The following LOC400499 variants were observed in gnomAD, a reference collection of about 807,000 sequenced individuals.
At chr16:11,512,848 G>A in the LOC400499 span, among the ~76,000 whole-genome samples, 2 of 152,330 alleles carry the variant, frequency 1.3e-5, no homozygotes, top group East Asian at 3.9e-4. Flanking sequence ...GAGGGTCGGT[G>A]TGCGGGGAGG....
chr16:11,441,071 C>G, the LOC400499 span: 13 of 398,944 alleles, frequency 3.3e-5, no homozygotes, highest in African/African-American at 8.2e-5. Flanking sequence ...CCTCTCTGTT[C>G]TTAGCCTGGG....
At chr16:11,437,006 G>A in the LOC400499 span, among the ~76,000 whole-genome samples, 1 of 152,110 alleles carries the variant, frequency 6.6e-6, no homozygotes, top group Non-Finnish European at 1.5e-5. Flanking sequence ...GAGCTATTAA[G>A]CTGAAAAAGA....
chr16:11,438,382 A>G, the LOC400499 span, among the ~76,000 whole-genome samples: 2 of 152,186 alleles, frequency 1.3e-5, no homozygotes, highest in African/African-American at 4.8e-5. Flanking sequence ...TCATGCCTCT[A>G]AGAATAAGCA....
the LOC400499 span, among the ~76,000 whole-genome samples, chr16:11,460,257 C>T: frequency 4.0e-4 from 61 of 152,246 alleles, no homozygotes; most frequent in African/African-American, 1.4e-3. Flanking sequence ...AGTACAGTGG[C>T]GCCATCTTTG....
At chr16:11,494,364 G>A in the LOC400499 span, among the ~76,000 whole-genome samples, 1 of 147,994 alleles carries the variant, frequency 6.8e-6, no homozygotes, top group Non-Finnish European at 1.5e-5. Flanking sequence ...GCAGTGGTGT[G>A]GGGGGGGCAG....
chr16:11,517,100 G>GA, the LOC400499 span, among the ~76,000 whole-genome samples: 1 of 152,132 alleles, frequency 6.6e-6, no homozygotes, highest in Non-Finnish European at 1.5e-5. Flanking sequence ...TCCACCTGGG[G>GA]AGAGCAGCTC....
the LOC400499 span, among the ~76,000 whole-genome samples, chr16:11,422,966 G>A: frequency 6.6e-6 from 1 of 152,224 alleles, no homozygotes; most frequent in African/African-American, 2.4e-5. Context: ...TGACCATCAG[G>A]TTGAGCTGAT....
chr16:11,518,446 C>T, the LOC400499 span, among the ~76,000 whole-genome samples: 5 of 151,892 alleles, frequency 3.3e-5, no homozygotes, highest in East Asian at 1.9e-4. Context: ...GATGGGGTCT[C>T]GGCAGAGTCG....
At chr16:11,387,110 C>T in the LOC400499 span, 8 of 1,232,338 alleles carry the variant, frequency 6.5e-6, no homozygotes, top group African/African-American at 1.6e-5. Context: ...GCAGGACTCA[C>T]ATTCCCAGGG....
At chr16:11,499,320 A>G in the LOC400499 span, among the ~76,000 whole-genome samples, 1 of 40,604 alleles carries the variant, frequency 2.5e-5, no homozygotes, top group African/African-American at 1.0e-4. Context: ...GAAGGGAGGG[A>G]GAGGGGAGAG....
At chr16:11,397,567 C>A in the LOC400499 span, among the ~76,000 whole-genome samples, 1 of 152,136 alleles carries the variant, frequency 6.6e-6, no homozygotes, top group Non-Finnish European at 1.5e-5. Flanking sequence ...GCCACCGCAC[C>A]CGGCTTGTAA....
the LOC400499 span, among the ~76,000 whole-genome samples, chr16:11,524,555 T>C: frequency 6.6e-6 from 1 of 152,126 alleles, no homozygotes; most frequent in East Asian, 1.9e-4. Context: ...ACCAAGAGGC[T>C]GCTGCAGGAA....
the LOC400499 span, among the ~76,000 whole-genome samples, chr16:11,418,112 G>T: frequency 6.6e-6 from 1 of 152,188 alleles, no homozygotes; most frequent in African/African-American, 2.4e-5. Context: ...GAAGATGGCT[G>T]GAGAAAGACT....
At chr16:11,383,776 G>T in the LOC400499 span, 6 of 1,232,228 alleles carry the variant, frequency 4.9e-6, no homozygotes, top group East Asian at 1.9e-4. Flanking sequence ...GAATGGTGTA[G>T]GGTCTACCTG....
At chr16:11,480,251 T>C in the LOC400499 span, among the ~76,000 whole-genome samples, 73 of 152,334 alleles carry the variant, frequency 4.8e-4, no homozygotes, top group African/African-American at 1.7e-3. Flanking sequence ...ACAAAGGGGA[T>C]TGTGCATTCT....
the LOC400499 span, chr16:11,491,958 G>A: frequency 2.8e-5 from 11 of 395,352 alleles, no homozygotes; most frequent in Admixed American, 4.4e-5. Flanking sequence ...CTGTCCTGAT[G>A]CCCCTACTGC....
At chr16:11,491,407 C>G in the LOC400499 span, among the ~76,000 whole-genome samples, 1 of 152,098 alleles carries the variant, frequency 6.6e-6, no homozygotes, top group Non-Finnish European at 1.5e-5. Flanking sequence ...TAAAAGAGGC[C>G]TCACTGATTC....
the LOC400499 span, among the ~76,000 whole-genome samples, chr16:11,419,033 G>C: frequency 1.3e-5 from 2 of 152,294 alleles, no homozygotes; most frequent in South Asian, 4.1e-4. Flanking sequence ...AGGCATAGTA[G>C]TGGGTGTCTA....
the LOC400499 span, among the ~76,000 whole-genome samples, chr16:11,432,139 C>T: frequency 3.9e-5 from 6 of 152,332 alleles, no homozygotes; most frequent in East Asian, 3.9e-4. Flanking sequence ...AGTCCACCCC[C>T]GTCCTCAGCC....
Sources: gnomAD v4.1 joint callset for allele counts (sites outside exome capture counted in the v4.1 genomes callset) on GRCh38, gnomAD v4.1.1 for gene constraint, MANE v1.5 for transcripts.